Variants in FAM200B observed in about 807,000 individuals in gnomAD.
FAM200B encodes protein FAM200B.
In FAM200B, 32 loss-of-function variants were observed where a neutral mutation model predicts 33.1. The observed-to-expected ratio is 0.97, with a 90% CI of 0.73 to 1.30. The LOEUF is 1.30. Ranked by LOEUF, FAM200B falls within the 50% of genes most tolerant of loss-of-function variation. The pLI is 0.00. For synonymous variants in FAM200B, 240 were observed against 264.8 expected (o/e 0.91, Z 0.91); for missense variants, 741 against 754.0 (o/e 0.98, Z 0.20).
the FAM200B span, among the ~76,000 whole-genome samples, chr4:15,653,673 T>C: frequency 1.3e-5 from 2 of 152,046 alleles, no homozygotes; most frequent in Non-Finnish European, 2.9e-5. Context: ...TATTAAAGAA[T>C]GGTGTCTGAA....
chr4:15,661,090 A>G, the FAM200B span, among the ~76,000 whole-genome samples: 1 of 151,944 alleles, frequency 6.6e-6, no homozygotes, highest in Non-Finnish European at 1.5e-5. Flanking sequence ...AAAAAAAAAA[A>G]GTTAGGTAAC....
the FAM200B span, chr4:15,655,069 A>G: frequency 1.7e-6 from 1 of 573,256 alleles, no homozygotes; most frequent in Non-Finnish European, 2.4e-6. Flanking sequence ...CGGCGCTGAC[A>G]GCTGCGCAGG....
chr4:15,674,794 C>T, the FAM200B span, among the ~76,000 whole-genome samples: 4 of 152,012 alleles, frequency 2.6e-5, no homozygotes, highest in African/African-American at 7.2e-5. Flanking sequence ...GGACTACAGG[C>T]GCATGCCACC....
the FAM200B span, among the ~76,000 whole-genome samples, chr4:15,654,247 TTTA>T: frequency 2.6e-5 from 4 of 152,232 alleles, no homozygotes; most frequent in African/African-American, 9.6e-5. Context: ...ATTTGAATGC[TTTA>T]TTTAGTTGGA....
At chr4:15,650,363 G>A in the FAM200B span, among the ~76,000 whole-genome samples, 1 of 152,090 alleles carries the variant, frequency 6.6e-6, no homozygotes, top group Non-Finnish European at 1.5e-5. Context: ...AAATTTCAGG[G>A]AACAGTATTT....
At chr4:15,683,181 T>G (rs1718502298) in intron 1 of FAM200B, among the ~76,000 whole-genome samples, 1 of 152,230 alleles carries the variant, frequency 6.6e-6, no homozygotes, top group Non-Finnish European at 1.5e-5. Flanking sequence ...AAAAACATTT[T>G]CCTAGTCCAT....
chr4:15,648,576 T>C, the FAM200B span, among the ~76,000 whole-genome samples: 862 of 152,262 alleles, frequency 5.7e-3, 13 homozygotes, highest in African/African-American at 0.02. Flanking sequence ...TGCAACAACA[T>C]AGATGAACCT....
chr4:15,688,698 A>G lies in FAM200B; in HGVS notation c.1721A>G (p.Asp574Gly). The G allele has an allele frequency of 6.4e-7, 1 of 1,551,174 alleles. No homozygotes were observed. Among genetic ancestry groups the G allele is most frequent in the Non-Finnish European group, 8.7e-7 (1 of 1,146,622 alleles). ...QLSSSYTLKNDYETLSLSAFW... is the reference protein window; with the variant it reads ...QLSSSYTLKNGYETLSLSAFW... ...AGTTCTTCATATACATTGAAGAATGATTATGAAACCTTAAGTTTATCAGCA... is the reference window on the plus strand; with the variant it reads ...AGTTCTTCATATACATTGAAGAATGGTTATGAAACCTTAAGTTTATCAGCA... Residue 574 changes from aspartate (D) to glycine (G), a missense_variant, in exon 2 of 2, where the codon GAT becomes GGT. Asp to Gly is a moderately conservative substitution (Grantham distance 94). Coordinates refer to ENST00000422728, the MANE Select transcript of FAM200B (RefSeq NM_001145191.2).
intron 1 of FAM200B, among the ~76,000 whole-genome samples, chr4:15,685,452 G>C (rs1003381355): frequency 2.6e-5 from 4 of 152,144 alleles, no homozygotes; most frequent in African/African-American, 9.7e-5. Flanking sequence ...GACTTCGGGC[G>C]TAGGGGATAT....
At chr4:15,680,757 T>C (rs939586067), upstream of FAM200B, among the ~76,000 whole-genome samples, 2 of 151,928 alleles carry the variant, frequency 1.3e-5, no homozygotes, top group Non-Finnish European at 2.9e-5. Context: ...AGTAAGTAGC[T>C]TGAGAAAGAG....
At chr4:15,639,650 T>TA in the FAM200B span, among the ~76,000 whole-genome samples, 2 of 152,196 alleles carry the variant, frequency 1.3e-5, no homozygotes, top group Admixed American at 6.5e-5. Context: ...ATCATACAGT[T>TA]AAAAAACACT....
At chr4:15,638,511 T>C in the FAM200B span, 6 of 1,589,304 alleles carry the variant, frequency 3.8e-6, no homozygotes, top group Admixed American at 5.7e-5. Context: ...ATCTCACCTT[T>C]ATCTGACTTT....
chr4:15,687,051 T>C lies in FAM200B; in HGVS notation c.74T>C (p.Val25Ala), dbSNP rs1306082819. The change falls in exon 2 of 2, where the codon GTT becomes GCT. Residue 25 changes from valine (V) to alanine (A), a missense_variant. Val to Ala is a moderately conservative substitution (Grantham distance 64). Transcript: ENST00000422728. The part of the protein sequence containing the change: ...KYTEACSSSS[V>A]ESGIVNSDNI... ...ACAGAAGCATGTTCAAGTTCATCTG[T>C]TGAATCTGGAATTGTGAATAGTGAC... The C allele has an allele frequency of 9.1e-6, 14 of 1,532,448 alleles. No homozygotes were observed. In the South Asian group the frequency reaches 1.5e-4, roughly 16 times the overall value. 94.9% of individuals were successfully genotyped at this position (1,532,448 alleles called of 1,614,324 possible).
rs1719133833 is a variant in FAM200B at position 15,688,779 on chromosome 4, T to C, written c.1802T>C (p.Leu601Pro). ...TTGTTAAGTAGAAAGAGTGTCCTGC[T>C]ATTGCTACCATTCACAACAACTAGT... Reference protein sequence around the residue: ...FPLLSRKSVLLLLPFTTTSLC... With the variant: ...FPLLSRKSVLPLLPFTTTSLC... The change falls in exon 2 of 2, where the codon CTA becomes CCA. Residue 601 changes from leucine to proline, a missense_variant. Leu to Pro is a moderately conservative substitution (Grantham distance 98). Coordinates refer to ENST00000422728, the MANE Select transcript of FAM200B (RefSeq NM_001145191.2). The C allele has an allele frequency of 1.3e-6, 2 of 1,551,244 alleles. No homozygotes were observed. Among genetic ancestry groups the C allele is most frequent in the Non-Finnish European group, 1.7e-6 (2 of 1,146,678 alleles).
chr4:15,665,948 G>C, the FAM200B span, among the ~76,000 whole-genome samples: 2 of 151,962 alleles, frequency 1.3e-5, no homozygotes, highest in Non-Finnish European at 2.9e-5. Context: ...TAATGCAAGA[G>C]GAAGCTGAAT....
the FAM200B span, among the ~76,000 whole-genome samples, chr4:15,646,417 A>G: frequency 6.6e-6 from 1 of 151,610 alleles, no homozygotes; most frequent in African/African-American, 2.4e-5. Context: ...AATAAAATCT[A>G]TTGGTGGCTA....
the FAM200B span, among the ~76,000 whole-genome samples, chr4:15,645,450 C>T: frequency 8.6e-5 from 13 of 151,710 alleles, no homozygotes; most frequent in Admixed American, 7.2e-4. Context: ...TTTTTTGAGA[C>T]AGAGTCTTGC....
chr4:15,644,507 G>A, the FAM200B span: 1 of 1,611,234 alleles, frequency 6.2e-7, no homozygotes, highest in South Asian at 1.1e-5. Context: ...ACATTCTTCA[G>A]TCCCTTTTCA....
the FAM200B span, among the ~76,000 whole-genome samples, chr4:15,650,185 C>T: frequency 3.3e-5 from 5 of 152,126 alleles, no homozygotes; most frequent in South Asian, 2.1e-4. Context: ...CATCCTACAA[C>T]GCACAGGACA....
Sources: gnomAD v4.1 joint callset for allele counts (sites outside exome capture counted in the v4.1 genomes callset) on GRCh38, gnomAD v4.1.1 for gene constraint, MANE v1.5 for transcripts, NCBI Gene and HGNC (gene_info 2026-07-23, HGNC 2026-07-21) for gene names.